Variants in PSTPIP2 observed in about 807,000 individuals in gnomAD.
The protein encoded by PSTPIP2 is proline-serine-threonine phosphatase-interacting protein 2.
A neutral mutation model predicts 63.3 loss-of-function variants in PSTPIP2; 33 were observed. The observed-to-expected ratio is 0.52, with a 90% CI of 0.40 to 0.70. The LOEUF is 0.70. Among genes scored for constraint, PSTPIP2 ranks in the 30% least tolerant of loss-of-function variants. The pLI is 0.00. For missense variants in PSTPIP2, 312 were observed against 400.7 expected (o/e 0.78, Z 1.89); for synonymous variants, 125 against 132.7 (o/e 0.94, Z 0.40).
At position 45,997,935 on chromosome 18, in the gene PSTPIP2, C is replaced by A. The variant is rs1240805951; in HGVS notation, c.563-107G>T. On this transcript the variant is annotated intron_variant, in intron 8 of 14. Coordinates refer to ENST00000409746, the MANE Select transcript of PSTPIP2 (RefSeq NM_024430.4). ...GCAAAAGAAACTCATCCGAGTTGTGCTGAGCTTACAAGGCCCCCAGGACTC... is the reference window on the plus strand; with the variant it reads ...GCAAAAGAAACTCATCCGAGTTGTGATGAGCTTACAAGGCCCCCAGGACTC... 8.8e-5 allele frequency: 84 copies of A among 951,094 alleles called. 1 individual carries two copies. The highest frequency in any genetic ancestry group is 7.4e-4 in the South Asian group (57 of 76,704). 58.9% of individuals were successfully genotyped at this position (951,094 alleles called of 1,614,324 possible). A position where few individuals can be genotyped will look rare whatever the true frequency, so the allele number is the denominator to read the frequency against.
At chr18:46,020,995 A>G (rs983906268) in intron 3 of PSTPIP2, among the ~76,000 whole-genome samples, 7 of 152,334 alleles carry the variant, frequency 4.6e-5, no homozygotes, top group South Asian at 2.1e-4. Flanking sequence ...TTTCCATCAC[A>G]TCACCTCAAA....
intron 2 of PSTPIP2, among the ~76,000 whole-genome samples, chr18:46,039,128 T>G (rs1010602640): frequency 6.6e-6 from 1 of 152,200 alleles, no homozygotes; most frequent in African/African-American, 2.4e-5. Flanking sequence ...TTAATTTGAA[T>G]CTTGGCAAGG....
intron 2 of PSTPIP2, among the ~76,000 whole-genome samples, chr18:46,027,444 C>G (rs1474517275): frequency 6.6e-6 from 1 of 151,954 alleles, no homozygotes; most frequent in East Asian, 1.9e-4. Flanking sequence ...AATCCCAGCA[C>G]TTTGGGAGGG....
At chr18:46,010,399 G>C (rs2051782285) in intron 5 of PSTPIP2, among the ~76,000 whole-genome samples, 1 of 152,168 alleles carries the variant, frequency 6.6e-6, no homozygotes, top group African/African-American at 2.4e-5. Context: ...ATAGAGAAGA[G>C]CTTGTCTCCC....
chr18:46,058,447 C>T (rs957176346), intron 1 of PSTPIP2, among the ~76,000 whole-genome samples: 17 of 151,966 alleles, frequency 1.1e-4, no homozygotes, highest in Non-Finnish European at 7.4e-5. Context: ...ACCTCCTCCT[C>T]CCGGGTTCAA....
At chr18:46,060,543 G>A (rs920332785) in intron 1 of PSTPIP2, among the ~76,000 whole-genome samples, 14 of 152,182 alleles carry the variant, frequency 9.2e-5, no homozygotes, top group African/African-American at 2.2e-4. Context: ...GTACAATAGC[G>A]TGTAGACCCC....
rs753368097 is a variant in PSTPIP2, at chr18:45,997,805, C to T, written c.586G>A (p.Gly196Ser). The change falls in exon 9 of 15, where the codon GGC becomes AGC. Residue 196 changes from glycine (G) to serine (S), a missense_variant. Gly to Ser is a moderately conservative substitution (Grantham distance 56, BLOSUM62 0). Transcript: ENST00000409746. ...DSDKAYMLHI[G>S]TLDKVREEWQ... ...TCTTCTCGGACCTTATCCAGGGTGC[C>T]GATGTGCAGCATGTATGCTTTGTCT... is the stretch of plus-strand genomic sequence containing the variant. 5.2e-6 allele frequency: 8 copies of T among 1,551,880 alleles called. No individual in the cohort carries two copies. The highest frequency in any genetic ancestry group is 3.3e-5 in the South Asian group (3 of 90,162).
At chr18:46,066,582 CA>C (rs1464055991) in intron 1 of PSTPIP2, among the ~76,000 whole-genome samples, 2 of 152,182 alleles carry the variant, frequency 1.3e-5, no homozygotes, top group Non-Finnish European at 2.9e-5. Context: ...CCGTTGGTCA[CA>C]AGGTCTCTCA....
chr18:46,072,048 G>T, intron 1 of PSTPIP2, 108 bp downstream of exon 1: 4 of 1,339,288 alleles, frequency 3.0e-6, no homozygotes, highest in Non-Finnish European at 3.9e-6. Context: ...CCGGGCGCGC[G>T]GTCACCGAGT....
At chr18:46,035,904 T>A (rs1304849486) in intron 2 of PSTPIP2, among the ~76,000 whole-genome samples, 1 of 152,116 alleles carries the variant, frequency 6.6e-6, no homozygotes, top group Non-Finnish European at 1.5e-5. Flanking sequence ...GCCAAAGGGA[T>A]GTGTAAGCCT....
At chr18:46,013,295 CCTT>C (rs1215639250) in intron 4 of PSTPIP2, among the ~76,000 whole-genome samples, 1 of 152,076 alleles carries the variant, frequency 6.6e-6, no homozygotes, top group Non-Finnish European at 1.5e-5. Context: ...GAAGAAGACA[CCTT>C]CTATGTAAAA....
chr18:46,022,798 A>G (rs753329754), intron 3 of PSTPIP2, among the ~76,000 whole-genome samples: 7 of 152,212 alleles, frequency 4.6e-5, no homozygotes, highest in Non-Finnish European at 1.0e-4. Context: ...ATTAAAAATT[A>G]TGGTACAGAA....
chr18:46,026,183 A>G (rs549468065), intron 2 of PSTPIP2, among the ~76,000 whole-genome samples: 1 of 152,352 alleles, frequency 6.6e-6, no homozygotes, highest in African/African-American at 2.4e-5. Flanking sequence ...TACTTCCACA[A>G]AAAGTGTACA....
rs567127104 is a variant in PSTPIP2, at chr18:46,042,398, C to T, written c.34-2351G>A. On this transcript the variant is annotated intron_variant, in intron 1 of 14. Coordinates refer to ENST00000409746, the MANE Select transcript of PSTPIP2 (RefSeq NM_024430.4). Reference sequence around the variant, plus strand: ...TAGCCCCTCAATTCCCAGGTTTTCCCGAAGTCTTCTCTGAGTAGCCCCAAT... The same window carrying T: ...TAGCCCCTCAATTCCCAGGTTTTCCTGAAGTCTTCTCTGAGTAGCCCCAAT... Among the ~76,000 whole-genome samples the T allele has an allele frequency of 2.6e-5, 4 of 152,210 alleles. No individual in the cohort carries two copies. The South Asian group carries it at 6.2e-4, about 24-fold the overall frequency.
intron 3 of PSTPIP2, among the ~76,000 whole-genome samples, chr18:46,019,388 A>G (rs2051888268): frequency 6.6e-6 from 1 of 152,176 alleles, no homozygotes; most frequent in South Asian, 2.1e-4. Context: ...CTTTTCTCAC[A>G]TGAACATTTG....
At chr18:46,045,428 A>G (rs9944600) in intron 1 of PSTPIP2, among the ~76,000 whole-genome samples, 2,226 of 151,998 alleles carry the variant, frequency 0.015, 38 homozygotes, top group Admixed American at 0.037. Context: ...ACCAAACACC[A>G]CATATTGTCA....
chr18:45,996,281 G>A (rs1331260001), intron 9 of PSTPIP2, among the ~76,000 whole-genome samples: 1 of 152,234 alleles, frequency 6.6e-6, no homozygotes, highest in East Asian at 1.9e-4. Flanking sequence ...AGGAAAAAAG[G>A]AGTGGGGCAG....
chr18:46,011,397 A>C, intron 4 of PSTPIP2, 110 bp from the exon 5 acceptor site: 1 of 836,924 alleles, frequency 1.2e-6, no homozygotes, highest in Non-Finnish European at 1.9e-6. Context: ...TAAGTGGTAA[A>C]ATCAACATCA....
At chr18:46,025,764 C>T (rs767941576) in intron 2 of PSTPIP2, among the ~76,000 whole-genome samples, 4 of 152,034 alleles carry the variant, frequency 2.6e-5, no homozygotes, top group Non-Finnish European at 4.4e-5. Flanking sequence ...CATATATCCA[C>T]GGGCATCTCT....
Sources: gnomAD v4.1 joint callset for allele counts (sites outside exome capture counted in the v4.1 genomes callset) on GRCh38, gnomAD v4.1.1 for gene constraint, MANE v1.5 for transcripts, NCBI Gene and HGNC (gene_info 2026-07-23, HGNC 2026-07-21) for gene names.